The following UGT2B10 variants were observed in gnomAD, a reference collection of about 807,000 sequenced individuals.
The protein encoded by UGT2B10 is UDP glucuronosyltransferase family 2 member B10.
UGT2B10 carries 51 observed loss-of-function variants against 43.7 expected under a neutral mutation model. The observed-to-expected ratio is 1.17, with a 90% confidence interval of 0.93 to 1.47. UGT2B10 has a LOEUF of 1.47. Ranked by LOEUF, UGT2B10 falls within the 40% of genes most tolerant of loss-of-function variation. The pLI is 0.00. For missense variants in UGT2B10, 696 were observed against 617.7 expected, an observed-to-expected ratio of 1.13 and a Z score of -1.34; for synonymous variants, 225 against 209.0, an observed-to-expected ratio of 1.08 and a Z score of -0.66.
intron 3 of UGT2B10, among the ~76,000 whole-genome samples, chr4:68,823,244 G>T (rs112324058): frequency 2.0e-5 from 3 of 151,934 alleles, no homozygotes; most frequent in African/African-American, 7.3e-5. Flanking sequence ...ATGGTGGTTC[G>T]CGCCTGTAAT....
chr4:68,826,458 A>T lies in UGT2B10; in HGVS notation c.1048A>T (p.Thr350Ser), dbSNP rs1475484294. 6.8e-6 allele frequency: 11 copies of T among 1,612,402 alleles called. No individual in the cohort carries two copies. The East Asian group carries it at 2.5e-4, about 36-fold the overall frequency. Residue 350 changes from threonine to serine, a missense_variant, in exon 4 of 6, where the codon ACT becomes TCT. Physicochemically the swap from Thr to Ser is moderately conservative, Grantham distance 58. Transcript: ENST00000265403. Reference protein sequence around the residue: ...GNKPDALGLNTRLYKWIPQND... With the variant: ...GNKPDALGLNSRLYKWIPQND... ...TAAACCAGATGCCTTAGGTCTCAAT[A>T]CTCGACTGTACAAGTGGATACCCCA...
chr4:68,818,046 T>C lies in UGT2B10; in HGVS notation c.736T>C (p.Ser246Pro). The C allele has an allele frequency of 6.2e-7, 1 of 1,610,872 alleles. No individual in the cohort carries two copies. The highest frequency in any genetic ancestry group is 1.1e-5 in the South Asian group (1 of 90,514). ...CCTATCAGGAAGACCCACTACATTA[T>C]CTGAGACAATGAGGAAAGCTGACAT... ...SEVLGRPTTL[S>P]ETMRKADIWL... The change falls in exon 2 of 6, where the codon TCT becomes CCT. Residue 246 changes from serine to proline, a missense_variant. By Grantham distance (74) the Ser-to-Pro change is moderately conservative (BLOSUM62 -1). Transcript: ENST00000265403.
At chr4:68,822,774 T>C (rs567622091) in intron 3 of UGT2B10, among the ~76,000 whole-genome samples, 1 of 152,296 alleles carries the variant, frequency 6.6e-6, no homozygotes, top group East Asian at 1.9e-4. Context: ...AAAATGGTGC[T>C]TAATGTAGTC....
Position 68,816,152 on chromosome 4 carries a change from C to T in UGT2B10, c.133C>T (p.Leu45Phe), listed in dbSNP as rs776282333. 6 of 1,613,246 alleles carry T rather than the reference C, an allele frequency of 3.7e-6. No homozygotes were observed. The highest frequency in any genetic ancestry group is 5.1e-6 in the Non-Finnish European group (6 of 1,179,450). Residue 45 changes from leucine (L) to phenylalanine (F), a missense_variant, in exon 1 of 6, where the codon CTT (leucine) becomes TTT (phenylalanine). Leu to Phe is a conservative substitution (Grantham distance 22). Coordinates refer to ENST00000265403, the MANE Select transcript of UGT2B10 (RefSeq NM_001075.6). ...GAATATGAAGACAATCCTGAAAGAA[C>T]TTGTTCAGAGAGGTCATGAGGTGAC... Reference protein sequence around the residue: ...WMNMKTILKELVQRGHEVTVL... With the variant: ...WMNMKTILKEFVQRGHEVTVL...
rs116434003 is a variant in UGT2B10, at chr4:68,823,016, A to G, written c.999+614A>G. 6.5e-3 allele frequency among the ~76,000 whole-genome samples: 993 copies of G among 152,258 alleles called. 18 individuals are homozygous for G. The highest frequency in any genetic ancestry group is 0.023 in the African/African-American group (947 of 41,552). On this transcript the variant is annotated intron_variant, in intron 3 of 5. Transcript: ENST00000265403. ...TAAGGAATGTAGTATTTCTGTTTGT[A>G]CTTTAAGTCAAATGCTTATATGAAA...
rs200419731 is a variant in UGT2B10 at position 68,816,470 on chromosome 4, G to T, written c.451G>T (p.Ala151Ser). ...AAGATTTGACATCGTTTTTGCAGAT[G>T]CTTATTTACCCTGTGGTGAGCTGCT... Reference protein sequence around the residue: ...ESRFDIVFADAYLPCGELLAE... With the variant: ...ESRFDIVFADSYLPCGELLAE... Residue 151 changes from alanine (A) to serine (S), a missense_variant, in exon 1 of 6, where the codon GCT becomes TCT. By Grantham distance (99) the Ala-to-Ser change is moderately conservative. Transcript: ENST00000265403. The T allele has an allele frequency of 1.3e-4, 214 of 1,612,808 alleles. No individual in the cohort carries two copies. The highest frequency in any genetic ancestry group is 1.7e-4 in the Non-Finnish European group (202 of 1,179,422).
intron 5 of UGT2B10, 104 bp downstream of exon 5, chr4:68,827,652 A>G: frequency 6.6e-7 from 1 of 1,523,124 alleles, no homozygotes. Flanking sequence ...ATTTTGAAAG[A>G]ATTTAAATGA....
intron 3 of UGT2B10, among the ~76,000 whole-genome samples, chr4:68,823,667 T>C (rs1398645655): frequency 6.6e-6 from 1 of 152,112 alleles, no homozygotes; most frequent in African/African-American, 2.4e-5. Context: ...TCCTGTATGG[T>C]AAGTTTTTAA....
intron 4 of UGT2B10, among the ~76,000 whole-genome samples, chr4:68,826,814 C>G (rs1254560914): frequency 6.6e-6 from 1 of 152,054 alleles, no homozygotes; most frequent in Admixed American, 6.6e-5. Context: ...TTTCTCCTCT[C>G]CTGCAGGGTT....
At chr4:68,828,017 C>T (rs1737888285) in intron 5 of UGT2B10, among the ~76,000 whole-genome samples, 1 of 151,818 alleles carries the variant, frequency 6.6e-6, no homozygotes, top group South Asian at 2.1e-4. Flanking sequence ...CTATTTATGG[C>T]AAAAATTCCA....
chr4:68,820,235 A>C (rs539303376), intron 2 of UGT2B10, among the ~76,000 whole-genome samples: 5 of 152,088 alleles, frequency 3.3e-5, no homozygotes, highest in East Asian at 3.8e-4. Flanking sequence ...GCATTGAATG[A>C]AAGTCAATGG....
At chr4:68,820,957 C>T (rs561892255) in intron 2 of UGT2B10, among the ~76,000 whole-genome samples, 3 of 152,170 alleles carry the variant, frequency 2.0e-5, no homozygotes, top group Admixed American at 6.6e-5. Context: ...CATAGAAAAA[C>T]AAGGCTCTGG....
At chr4:68,826,236 C>G (rs1737767185) in intron 3 of UGT2B10, among the ~76,000 whole-genome samples, 174 bp from the exon 4 acceptor site, 1 of 151,920 alleles carries the variant, frequency 6.6e-6, no homozygotes, top group Admixed American at 6.6e-5. Flanking sequence ...TCTTATATAC[C>G]TAAATCATTA....
intron 5 of UGT2B10, among the ~76,000 whole-genome samples, chr4:68,828,525 G>T (rs1737917965): frequency 6.6e-6 from 1 of 151,466 alleles, no homozygotes; most frequent in South Asian, 2.1e-4. Flanking sequence ...AAACCAACTT[G>T]GACAAATAGA....
At chr4:68,829,803 T>C (rs1737996380) in intron 5 of UGT2B10, among the ~76,000 whole-genome samples, 1 of 152,060 alleles carries the variant, frequency 6.6e-6, no homozygotes, top group African/African-American at 2.4e-5. Context: ...CAGGTAAAAG[T>C]GTTAGAAAAA....
chr4:68,818,088 T>G lies in UGT2B10; in HGVS notation c.778T>G (p.Ser260Ala). Residue 260 changes from serine to alanine, a missense_variant, in exon 2 of 6, where the codon TCC becomes GCC. Coordinates refer to ENST00000265403, the MANE Select transcript of UGT2B10 (RefSeq NM_001075.6). ...RKADIWLMRN[S>A]WNFKFPHPFL... ...AGCTGACATATGGCTTATGCGAAAC[T>G]CCTGGAATTTTAAATTTCCTCATCC... The G allele has an allele frequency of 6.2e-7, 1 of 1,611,874 alleles. No individual in the cohort carries two copies. Among genetic ancestry groups the G allele is most frequent in the South Asian group, 1.1e-5 (1 of 90,840 alleles).
rs1737596275 is a variant in UGT2B10, at chr4:68,823,170, G to C, written c.999+768G>C. 2.0e-5 allele frequency among the ~76,000 whole-genome samples: 3 copies of C among 152,130 alleles called. No homozygotes were observed. The South Asian group carries it at 6.2e-4, about 32-fold the overall frequency. On this transcript the variant is annotated intron_variant, in intron 3 of 5. Coordinates refer to ENST00000265403, the MANE Select transcript of UGT2B10 (RefSeq NM_001075.6). ...AGGAATAATAACTGGCATATGTGGAGAGTAGGGGAGTAAAAAGAATGAATT... is the reference window on the plus strand; with the variant it reads ...AGGAATAATAACTGGCATATGTGGACAGTAGGGGAGTAAAAAGAATGAATT...
rs367581024 is a variant in UGT2B10 at position 68,822,346 on chromosome 4, A to G, written c.943A>G (p.Met315Val). The change falls in exon 3 of 6, where the codon ATG (methionine) becomes GTG (valine). Residue 315 changes from methionine (M) to valine (V), a missense_variant. By Grantham distance (21) the Met-to-Val change is conservative. Transcript: ENST00000265403. The stretch of plus-strand genomic sequence containing the variant: ...TTCTCTGGGGTCAATGGTCAGTAAC[A>G]TGACAGAAGAAAGGGCCAACGTAAT... The part of the protein sequence containing the change: ...VFSLGSMVSN[M>V]TEERANVIAT... The G allele has an allele frequency of 3.1e-6, 5 of 1,613,826 alleles. No individual in the cohort carries two copies. The South Asian group carries it at 5.5e-5, about 18-fold the overall frequency.
chr4:68,829,709 A>G (rs1042820055), intron 5 of UGT2B10, among the ~76,000 whole-genome samples: 2 of 152,008 alleles, frequency 1.3e-5, no homozygotes, highest in African/African-American at 4.8e-5. Context: ...GCGGGAGAGA[A>G]GGGATAAAAT....
Sources: allele counts gnomAD v4.1 joint callset (sites outside exome capture counted in the v4.1 genomes callset), GRCh38; gene constraint gnomAD v4.1.1; transcripts MANE v1.5; gene names NCBI Gene and HGNC (gene_info 2026-07-23, HGNC 2026-07-21).